The following LRP8 variants were observed in gnomAD, a reference collection of about 807,000 sequenced individuals.
LRP8 encodes the protein LDL receptor related protein 8, also known as low-density lipoprotein receptor-related protein 8.
A neutral mutation model predicts 111.6 loss-of-function variants in LRP8; 46 were observed. The observed-to-expected ratio is 0.41, with a 90% confidence interval of 0.33 to 0.53. The LOEUF is 0.53. Among genes scored for constraint, LRP8 ranks in the 20% least tolerant of loss-of-function variants. The pLI is 0.20. For missense variants in LRP8, 959 were observed against 1,297.4 expected, an observed-to-expected ratio of 0.74 and a Z score of 4.01; for synonymous variants, 464 against 511.2, an observed-to-expected ratio of 0.91 and a Z score of 1.24.
chr1:53,309,235 A>C (rs2100517941), intron 2 of LRP8, among the ~76,000 whole-genome samples: 1 of 152,312 alleles, frequency 6.6e-6, no homozygotes, highest in Middle Eastern at 3.4e-3. Context: ...AGACCATGCC[A>C]TTGCACTCCA....
chr1:53,261,342 G>T (rs1420720977), intron 12 of LRP8, among the ~76,000 whole-genome samples: 1 of 152,188 alleles, frequency 6.6e-6, no homozygotes, highest in Admixed American at 6.5e-5. Flanking sequence ...TTTAAAGCAG[G>T]GGCTGGACTT....
chr1:53,265,029 G>C (rs1276139916), intron 9 of LRP8, among the ~76,000 whole-genome samples: 1 of 152,144 alleles, frequency 6.6e-6, no homozygotes, highest in Non-Finnish European at 1.5e-5. Context: ...TCTATGGAGT[G>C]GATGGGTTGG....
rs1646596876 is a variant in LRP8, at chr1:53,267,111, C to T, written c.1253-464G>A. On this transcript the variant is annotated intron_variant, in intron 8 of 18. Coordinates refer to ENST00000306052, the MANE Select transcript of LRP8 (RefSeq NM_004631.5). ...TTCTTTCCAGCAACTATCATCTTCT[C>T]TGCTTGGGCCCTACTGCTGTGGTTC... The T allele has an allele frequency of 4.2e-5, 7 of 165,486 alleles. No individual in the cohort carries two copies. In the South Asian group the frequency reaches 1.2e-3, roughly 27 times the overall value. 10.3% of individuals were successfully genotyped at this position (165,486 alleles called of 1,614,324 possible).
chr1:53,327,066 G>A (rs1186285519), intron 1 of LRP8, 74 bp from the exon 2 acceptor site: 12 of 1,570,158 alleles, frequency 7.6e-6, no homozygotes, highest in Non-Finnish European at 1.0e-5. Flanking sequence ...CGGGCCACCC[G>A]GAAGGACCCG....
At chr1:53,269,780 ATC>A (rs1358300039) in intron 8 of LRP8, among the ~76,000 whole-genome samples, 4 of 152,114 alleles carry the variant, frequency 2.6e-5, no homozygotes, top group Non-Finnish European at 5.9e-5. Flanking sequence ...TTATGTATTT[ATC>A]TGATTTCTAG....
At chr1:53,289,477 G>A in intron 3 of LRP8, 90 bp downstream of exon 3, 3 of 1,488,338 alleles carry the variant, frequency 2.0e-6, no homozygotes, top group Admixed American at 4.2e-5. Flanking sequence ...TGTTCAACTG[G>A]TTACCTCTCC....
chr1:53,270,933 G>A, intron 8 of LRP8, 95 bp downstream of exon 8: 1 of 1,567,938 alleles, frequency 6.4e-7, no homozygotes, highest in African/African-American at 1.3e-5. Flanking sequence ...CTTCTTGTGT[G>A]TGCGCACATG....
At chr1:53,305,326 C>T (rs986522718) in intron 2 of LRP8, 9 of 152,164 alleles carry the variant, frequency 5.9e-5, no homozygotes, top group African/African-American at 1.7e-4. Context: ...TATCAGTGCC[C>T]GACATAAGGG....
intron 13 of LRP8, among the ~76,000 whole-genome samples, chr1:53,259,582 AT>A (rs560213424): frequency 0.17 from 25,236 of 146,666 alleles, 2,380 homozygotes; most frequent in African/African-American, 0.26. Context: ...TACTCTAGGA[AT>A]TTTTTTTTTT....
Position 53,275,784 on chromosome 1 carries a change from G to C in LRP8, c.884-31C>G. 1 of 1,611,408 alleles carries C rather than the reference G, an allele frequency of 6.2e-7. No homozygotes were observed. Among genetic ancestry groups the C allele is most frequent in the Non-Finnish European group, 8.5e-7 (1 of 1,178,882 alleles). The stretch of plus-strand genomic sequence containing the variant: ...AGGAGAGGGCAAGGGGAGAGGATCA[G>C]AGTCAGTGTGGTGCTAGGACAATTT... On this transcript the variant is annotated intron_variant, in intron 5 of 18. Coordinates refer to ENST00000306052, the MANE Select transcript of LRP8 (RefSeq NM_004631.5). The surrounding 1 kb of genome is among the most constrained non-coding windows in gnomAD (Gnocchi z 4.4).
chr1:53,295,448 G>A (rs778274767), intron 2 of LRP8, among the ~76,000 whole-genome samples: 1 of 152,130 alleles, frequency 6.6e-6, no homozygotes, highest in Admixed American at 6.5e-5. Flanking sequence ...ACAGGGGCCT[G>A]GCTTTCCTTG....
chr1:53,294,641 C>T lies in LRP8; in HGVS notation c.245-4952G>A, dbSNP rs959207895. Among the ~76,000 whole-genome samples, 20 of 152,350 alleles carry T rather than the reference C, an allele frequency of 1.3e-4. No individual in the cohort carries two copies. The highest frequency in any genetic ancestry group is 3.6e-4 in the African/African-American group (15 of 41,576). On this transcript the variant is annotated intron_variant, in intron 2 of 18. Coordinates refer to ENST00000306052, the MANE Select transcript of LRP8 (RefSeq NM_004631.5). The surrounding 1 kb of genome is among the most constrained non-coding windows in gnomAD (Gnocchi z 4.1). ...AAGTCACAGCCCTGGCCCCAGCTGC[C>T]GTGTGTGTAACACTGGGCCCATCCG...
In LRP8 at chr1:53,303,043, A is replaced by T. The variant is rs534899470; in HGVS notation, c.245-13354T>A. 1.1e-4 allele frequency among the ~76,000 whole-genome samples: 17 copies of T among 152,212 alleles called. No individual in the cohort carries two copies. In the South Asian group the frequency reaches 3.5e-3, roughly 32 times the overall value. ...AATAAAATGGGGCTAACCACCTCAG[A>T]GGGTGGGAATTAAGAGAGGTTGTAA... On this transcript the variant is annotated intron_variant, in intron 2 of 18. Transcript: ENST00000306052. The surrounding 1 kb of genome is among the most constrained non-coding windows in gnomAD (Gnocchi z 4.3).
At chr1:53,269,311 A>T (rs928887801) in intron 8 of LRP8, among the ~76,000 whole-genome samples, 1 of 151,116 alleles carries the variant, frequency 6.6e-6, no homozygotes, top group African/African-American at 2.4e-5. Context: ...CTTTTTATTT[A>T]TTATTATTAT....
intron 16 of LRP8, among the ~76,000 whole-genome samples, chr1:53,254,009 C>T (rs1046217083): frequency 1.3e-5 from 2 of 152,050 alleles, no homozygotes; most frequent in Non-Finnish European, 2.9e-5. Context: ...GTGTCTTACA[C>T]AGGGGAGAAG....
chr1:53,274,800 G>A (rs766961206), intron 6 of LRP8: 14 of 456,170 alleles, frequency 3.1e-5, no homozygotes, highest in Admixed American at 1.6e-4. Flanking sequence ...TGAAATCTGC[G>A]GGGACCCTCA....
intron 6 of LRP8, among the ~76,000 whole-genome samples, chr1:53,272,185 C>T (rs765738507): frequency 1.3e-5 from 2 of 152,128 alleles, no homozygotes; most frequent in Non-Finnish European, 1.5e-5. Context: ...CTCCTCTCAG[C>T]ACCTGTCCCT....
chr1:53,289,326 G>T, intron 3 of LRP8: 1 of 417,466 alleles, frequency 2.4e-6, no homozygotes, highest in Non-Finnish European at 4.3e-6. Flanking sequence ...GGGCTTGACA[G>T]GGCTGTTTCT....
intron 15 of LRP8, among the ~76,000 whole-genome samples, chr1:53,256,105 T>C (rs1386267920): frequency 2.0e-5 from 3 of 152,252 alleles, no homozygotes; most frequent in Non-Finnish European, 4.4e-5. Context: ...CACTTTATAG[T>C]TCAGAAAGCA....
Sources: allele counts gnomAD v4.1 joint callset (sites outside exome capture counted in the v4.1 genomes callset), GRCh38; gene constraint gnomAD v4.1.1; non-coding constraint Gnocchi (gnomAD v3.1); transcripts MANE v1.5; gene names NCBI Gene and HGNC (gene_info 2026-07-23, HGNC 2026-07-21).